Variants in CYP2C19 observed in about 807,000 individuals in gnomAD.
CYP2C19 encodes the protein cytochrome P450 family 2 subfamily C member 19.
CYP2C19 carries 59 observed loss-of-function variants against 40.9 expected under a neutral mutation model. The ratio of observed to expected loss-of-function variants is 1.44; its 90% CI spans 1.17 to 1.79. CYP2C19 has a LOEUF of 1.79. Among genes scored for constraint, CYP2C19 ranks in the 40% most tolerant of loss-of-function variants. The pLI, the probability that CYP2C19 is intolerant of heterozygous loss-of-function variation, is 0.00. For synonymous variants in CYP2C19, 253 were observed against 208.7 expected, an observed-to-expected ratio of 1.21 and a Z score of -1.83; for missense variants, 754 against 596.9, an observed-to-expected ratio of 1.26 and a Z score of -2.74.
At chr10:94,818,103 C>CAT (rs930599609) in intron 5 of CYP2C19, among the ~76,000 whole-genome samples, 18 of 148,924 alleles carry the variant, frequency 1.2e-4, no homozygotes, top group Non-Finnish European at 1.2e-4. Flanking sequence ...CAGCTTTCTA[C>CAT]ATATGGCTAG....
In CYP2C19 at chr10:94,851,443, C is replaced by CAAATAAAT. The variant is rs71031598; in HGVS notation, c.1292-1247_1292-1240dup. 1.9e-3 allele frequency among the ~76,000 whole-genome samples: 278 copies of CAAATAAAT among 143,082 alleles called. 1 individual carries two copies. Among genetic ancestry groups the CAAATAAAT allele is most frequent in the African/African-American group, 4.7e-3 (180 of 38,604 alleles). The allele number at this position is 143,082 out of a possible 152,430, so 93.9% of individuals were successfully genotyped here. On this transcript the variant is annotated intron_variant, in intron 8 of 8. Transcript: ENST00000371321. ...CACAGAGACAAAGCATACCAGCACACAAATAAATAAATAAATAAATAAATA... is the reference window on the plus strand; with the variant it reads ...CACAGAGACAAAGCATACCAGCACACAAATAAATAAATAAATAAATAAATAAATAAATA...
At chr10:94,779,551 T>TTTTTTTCTTTTC (rs1554849211) in intron 3 of CYP2C19, among the ~76,000 whole-genome samples, 3 of 136,166 alleles carry the variant, frequency 2.2e-5, no homozygotes, top group African/African-American at 8.1e-5. Flanking sequence ...CTTTTTTTCC[T>TTTTTTTCTTTTC]TTTTCTTTTC....
At chr10:94,837,953 C>A (rs899266305) in intron 6 of CYP2C19, among the ~76,000 whole-genome samples, 10 of 152,132 alleles carry the variant, frequency 6.6e-5, no homozygotes, top group Non-Finnish European at 1.3e-4. Flanking sequence ...TTTAAAGTGT[C>A]CTTGTAGACT....
At chr10:94,817,368 A>G (rs1243481571) in intron 5 of CYP2C19, among the ~76,000 whole-genome samples, 1 of 148,650 alleles carries the variant, frequency 6.7e-6, no homozygotes, top group Non-Finnish European at 1.5e-5. Flanking sequence ...TTGGCTGCAT[A>G]AATGTCTTCT....
At chr10:94,811,641 C>A (rs928001226) in intron 5 of CYP2C19, among the ~76,000 whole-genome samples, 1 of 151,128 alleles carries the variant, frequency 6.6e-6, no homozygotes, top group South Asian at 2.1e-4. Flanking sequence ...TATGATACCA[C>A]CCCTTTTTTT....
At chr10:94,763,573 C>A (rs1339271345) in intron 1 of CYP2C19, among the ~76,000 whole-genome samples, 1 of 151,898 alleles carries the variant, frequency 6.6e-6, no homozygotes, top group Non-Finnish European at 1.5e-5. Flanking sequence ...TTAGCATATA[C>A]AGAGAGTAAA....
chr10:94,828,953 G>T (rs1000118223), intron 6 of CYP2C19, among the ~76,000 whole-genome samples: 6 of 151,880 alleles, frequency 4.0e-5, no homozygotes, highest in Non-Finnish European at 5.9e-5. Context: ...GAAATTCTGG[G>T]TTGAAAATTC....
At chr10:94,764,216 T>TGG (rs1848211431) in intron 1 of CYP2C19, among the ~76,000 whole-genome samples, 1 of 152,130 alleles carries the variant, frequency 6.6e-6, no homozygotes, top group African/African-American at 2.4e-5. Flanking sequence ...CTGGCTCAGG[T>TGG]GGGCAGCTTT....
Position 94,788,422 on chromosome 10 carries a change from G to A in CYP2C19, c.819+6425G>A, listed in dbSNP as rs573106758. ...TTAAAATTTTTAAATTATACCTTAA[G>A]TTCTGGGGTACATCTGCAGAACGTG... is the stretch of plus-strand genomic sequence containing the variant. On this transcript the variant is annotated intron_variant, in intron 5 of 8. Coordinates refer to ENST00000371321, the MANE Select transcript of CYP2C19 (RefSeq NM_000769.4). 3.3e-5 allele frequency among the ~76,000 whole-genome samples: 5 copies of A among 152,166 alleles called. No homozygotes were observed. In the East Asian group the frequency reaches 5.8e-4, roughly 18 times the overall value.
chr10:94,799,678 G>C (rs1403806816), intron 5 of CYP2C19, among the ~76,000 whole-genome samples: 2 of 151,980 alleles, frequency 1.3e-5, no homozygotes, highest in Non-Finnish European at 2.9e-5. Flanking sequence ...AATATTTCTT[G>C]GAGGCTTTGT....
At chr10:94,783,619 G>T (rs2134241483) in intron 5 of CYP2C19, among the ~76,000 whole-genome samples, 2 of 150,996 alleles carry the variant, frequency 1.3e-5, no homozygotes, top group South Asian at 2.1e-4. Flanking sequence ...GGTTTTTTTT[G>T]GGGGGCTCTC....
intron 7 of CYP2C19, among the ~76,000 whole-genome samples, chr10:94,847,043 A>G (rs1159450965): frequency 1.3e-5 from 2 of 151,688 alleles, no homozygotes; most frequent in Non-Finnish European, 2.9e-5. Flanking sequence ...TCCCATGTCA[A>G]CAGAGACTTC....
intron 7 of CYP2C19, among the ~76,000 whole-genome samples, chr10:94,846,162 G>A (rs1216920280): frequency 6.6e-6 from 1 of 151,974 alleles, no homozygotes; most frequent in Non-Finnish European, 1.5e-5. Flanking sequence ...CATAATTCGG[G>A]TATGTTGTCA....
intron 3 of CYP2C19, 132 bp from the exon 4 acceptor site, chr10:94,780,367 T>A (rs1201678239): frequency 8.4e-7 from 1 of 1,194,410 alleles, no homozygotes; most frequent in Non-Finnish European, 1.2e-6. Flanking sequence ...TGCCAAACTC[T>A]TTTTTGCTTT....
chr10:94,809,504 C>G (rs1848883092), intron 5 of CYP2C19, among the ~76,000 whole-genome samples: 1 of 152,096 alleles, frequency 6.6e-6, no homozygotes, highest in South Asian at 2.1e-4. Context: ...ATGTAATCTG[C>G]AAACAGACAA....
intron 5 of CYP2C19, among the ~76,000 whole-genome samples, chr10:94,793,701 G>T (rs1848641801): frequency 6.6e-6 from 1 of 152,060 alleles, no homozygotes; most frequent in African/African-American, 2.4e-5. Flanking sequence ...AAATGTTGCT[G>T]CCTGATCCTT....
chr10:94,788,077 G>A (rs752351984), intron 5 of CYP2C19, among the ~76,000 whole-genome samples: 4 of 151,586 alleles, frequency 2.6e-5, no homozygotes, highest in East Asian at 3.9e-4. Flanking sequence ...TGTAGAGACC[G>A]TTTGCCCCTT....
At chr10:94,815,820 T>C (rs965707805) in intron 5 of CYP2C19, among the ~76,000 whole-genome samples, 35 of 152,222 alleles carry the variant, frequency 2.3e-4, no homozygotes, top group Non-Finnish European at 4.4e-5. Flanking sequence ...TTTTTTCATA[T>C]CTGTTTTTAT....
chr10:94,808,923 C>G (rs1235556881), intron 5 of CYP2C19, among the ~76,000 whole-genome samples: 2 of 150,456 alleles, frequency 1.3e-5, no homozygotes, highest in East Asian at 4.0e-4. Flanking sequence ...CTTCAATATA[C>G]TGATTTCCTT....
Sources: gnomAD v4.1 joint callset for allele counts (sites outside exome capture counted in the v4.1 genomes callset) on GRCh38, gnomAD v4.1.1 for gene constraint, MANE v1.5 for transcripts, NCBI Gene and HGNC (gene_info 2026-07-23, HGNC 2026-07-21) for gene names.